Variants in ARHGAP26 observed in about 807,000 individuals in gnomAD.
The protein encoded by ARHGAP26 is rho GTPase-activating protein 26.
ARHGAP26 carries 38 observed loss-of-function variants against 104.8 expected under a neutral mutation model. The observed-to-expected ratio is 0.36, with a 90% confidence interval of 0.28 to 0.48. ARHGAP26 has a LOEUF of 0.48. Ranked by LOEUF, ARHGAP26 falls within the 20% of genes least tolerant of loss-of-function variation. ARHGAP26 has a pLI of 0.99. For missense variants in ARHGAP26, 704 were observed against 947.9 expected, an observed-to-expected ratio of 0.74 and a Z score of 3.38; for synonymous variants, 341 against 340.0, an observed-to-expected ratio of 1.00 and a Z score of -0.03.
At chr5:142,883,673 G>A (rs1241778558) in intron 4 of ARHGAP26, among the ~76,000 whole-genome samples, 2 of 152,214 alleles carry the variant, frequency 1.3e-5, no homozygotes, top group African/African-American at 4.8e-5. Context: ...TTCTGCTCTA[G>A]AAGGCTCTAC....
Position 143,009,745 on chromosome 5 carries a change from A to G in ARHGAP26, c.1108-4335A>G, listed in dbSNP as rs530642256. Among the ~76,000 whole-genome samples, 7 of 152,382 alleles carry G rather than the reference A, an allele frequency of 4.6e-5. No homozygotes were observed. In the East Asian group the frequency reaches 1.2e-3, roughly 25 times the overall value. On this transcript the variant is annotated intron_variant, in intron 11 of 22. Coordinates refer to ENST00000645722, the MANE Select transcript of ARHGAP26 (RefSeq NM_001135608.3). ...TAACAAATCTTCATATACAATGGTCAGTAGAAACTAGACTATACCTACATC... is the reference window on the plus strand; with the variant it reads ...TAACAAATCTTCATATACAATGGTCGGTAGAAACTAGACTATACCTACATC...
chr5:142,835,694 C>T (rs1769414439), intron 1 of ARHGAP26, among the ~76,000 whole-genome samples: 1 of 152,124 alleles, frequency 6.6e-6, no homozygotes. Flanking sequence ...GAGCTTAGTA[C>T]TTTTCACACA....
chr5:143,072,998 C>T (rs1162594044), intron 17 of ARHGAP26, among the ~76,000 whole-genome samples: 1 of 151,778 alleles, frequency 6.6e-6, no homozygotes, highest in Non-Finnish European at 1.5e-5. Context: ...CACTATGTAC[C>T]CCATGAATAT....
intron 2 of ARHGAP26, among the ~76,000 whole-genome samples, chr5:142,874,271 C>G (rs928564494): frequency 1.3e-5 from 2 of 152,214 alleles, no homozygotes; most frequent in Non-Finnish European, 2.9e-5. Context: ...TTTGCCAGGG[C>G]CTTGTCATTG....
intron 22 of ARHGAP26, among the ~76,000 whole-genome samples, chr5:143,215,616 G>A (rs183831644): frequency 3.8e-4 from 58 of 152,256 alleles, no homozygotes; most frequent in African/African-American, 1.3e-3. Context: ...TAGCAGTCAT[G>A]CCCCACTTAC....
intron 1 of ARHGAP26, among the ~76,000 whole-genome samples, chr5:142,803,261 A>T (rs1456409981): frequency 6.6e-6 from 1 of 152,200 alleles, no homozygotes; most frequent in Admixed American, 6.5e-5. Context: ...CAGAATAAAT[A>T]TGTCCCAATA....
intron 1 of ARHGAP26, among the ~76,000 whole-genome samples, chr5:142,820,450 A>AAAAC (rs33977810): frequency 0.22 from 32,999 of 151,824 alleles, 4,790 homozygotes; most frequent in East Asian, 0.49. Flanking sequence ...AAAAAACAAA[A>AAAAC]AAACAAACAA....
At chr5:142,917,582 C>T (rs568265011) in intron 10 of ARHGAP26, among the ~76,000 whole-genome samples, 4 of 152,162 alleles carry the variant, frequency 2.6e-5, no homozygotes, top group Non-Finnish European at 4.4e-5. Context: ...TCAGAAAGTC[C>T]TCCCGTGACT....
intron 6 of ARHGAP26, among the ~76,000 whole-genome samples, chr5:142,897,161 C>T: frequency 6.6e-6 from 1 of 152,132 alleles, no homozygotes; most frequent in Admixed American, 6.5e-5. Flanking sequence ...AGTTCAGTGA[C>T]AGCTTGGACA....
chr5:142,854,448 A>G (rs1330308895), intron 1 of ARHGAP26, among the ~76,000 whole-genome samples: 1 of 152,178 alleles, frequency 6.6e-6, no homozygotes, highest in Non-Finnish European at 1.5e-5. Context: ...GGACTATGTC[A>G]GTTTTGTTCA....
At chr5:143,102,225 C>T (rs1352217242) in intron 17 of ARHGAP26, among the ~76,000 whole-genome samples, 1 of 152,096 alleles carries the variant, frequency 6.6e-6, no homozygotes, top group Admixed American at 6.5e-5. Flanking sequence ...CCCAGATATC[C>T]CTCCCTCTTC....
At chr5:142,890,827 C>T (rs1562025553) in intron 5 of ARHGAP26, among the ~76,000 whole-genome samples, 1 of 152,164 alleles carries the variant, frequency 6.6e-6, no homozygotes, top group East Asian at 1.9e-4. Context: ...ATATTATCTC[C>T]ATCTTCTAAA....
intron 21 of ARHGAP26, among the ~76,000 whole-genome samples, chr5:143,211,436 T>C (rs1809443239): frequency 6.6e-6 from 1 of 152,168 alleles, no homozygotes; most frequent in African/African-American, 2.4e-5. Flanking sequence ...CTTCTGTCAT[T>C]TCTCCCATTT....
At chr5:142,791,941 CAAAAA>C (rs11397426) in intron 1 of ARHGAP26, among the ~76,000 whole-genome samples, 1 of 65,154 alleles carries the variant, frequency 1.5e-5, no homozygotes, top group Non-Finnish European at 3.6e-5. Flanking sequence ...AAACCCGTCT[CAAAAA>C]AAAAAAAAAA....
chr5:142,842,822 A>G (rs1480773088), intron 1 of ARHGAP26, among the ~76,000 whole-genome samples: 1 of 152,216 alleles, frequency 6.6e-6, no homozygotes, highest in Non-Finnish European at 1.5e-5. Flanking sequence ...TGTTTAATAA[A>G]TGAATGGCAG....
rs543594107 is a variant in ARHGAP26, at chr5:142,920,067, A to T, written c.1028+6774A>T. ...AAGCAGCATTCTTGGGTGCTTTTGTATTACTTTGCCATAGCACCAAGCATT... is the reference window on the plus strand; with the variant it reads ...AAGCAGCATTCTTGGGTGCTTTTGTTTTACTTTGCCATAGCACCAAGCATT... On this transcript the variant is annotated intron_variant, in intron 10 of 22. Transcript: ENST00000645722. Among the ~76,000 whole-genome samples, 11 of 152,300 alleles carry T rather than the reference A, an allele frequency of 7.2e-5. No individual in the cohort carries two copies. In the South Asian group the frequency reaches 2.3e-3, roughly 32 times the overall value.
intron 17 of ARHGAP26, among the ~76,000 whole-genome samples, chr5:143,093,422 T>C (rs917220973): frequency 6.6e-6 from 1 of 152,192 alleles, no homozygotes; most frequent in Non-Finnish European, 1.5e-5. Context: ...AGACCTTCAA[T>C]TATCAATTAT....
chr5:143,171,342 C>A (rs1802739625), intron 20 of ARHGAP26, among the ~76,000 whole-genome samples: 1 of 152,200 alleles, frequency 6.6e-6, no homozygotes, highest in South Asian at 2.1e-4. Context: ...AACAAGTCAT[C>A]CATCGTCTTG....
At chr5:143,094,831 AGGGTGGAGCAGGTAATGGGAATGAGTCG>A (rs1188319744) in intron 17 of ARHGAP26, among the ~76,000 whole-genome samples, 1 of 152,174 alleles carries the variant, frequency 6.6e-6, no homozygotes, top group African/African-American at 2.4e-5. Context: ...AGAATGAGTC[AGGGTGGAGCAGGTAATGGGAATGAGTCG>A]GGGTGGAGCA....
Sources: gnomAD v4.1 joint callset for allele counts (sites outside exome capture counted in the v4.1 genomes callset) on GRCh38, gnomAD v4.1.1 for gene constraint, MANE v1.5 for transcripts, NCBI Gene and HGNC (gene_info 2026-07-23, HGNC 2026-07-21) for gene names.